PDLIM5: variants seen among roughly 807,000 people sequenced by gnomAD.
The protein encoded by PDLIM5 is PDZ and LIM domain 5.
A neutral mutation model predicts 64.2 loss-of-function variants in PDLIM5; 34 were observed. That is an observed-to-expected ratio of 0.53 (90% CI 0.40 to 0.71). The LOEUF (loss-of-function observed/expected upper bound fraction) is 0.71, where lower values mean the gene tolerates loss of function less well. Among genes scored for constraint, PDLIM5 ranks in the 30% least tolerant of loss-of-function variants. The pLI is 0.00. For missense variants in PDLIM5, 683 were observed against 733.6 expected, an observed-to-expected ratio of 0.93 and a Z score of 0.80; for synonymous variants, 253 against 269.1, an observed-to-expected ratio of 0.94 and a Z score of 0.59.
At chr4:94,552,991 C>A (rs1732945560) in intron 3 of PDLIM5, among the ~76,000 whole-genome samples, 1 of 152,066 alleles carries the variant, frequency 6.6e-6, no homozygotes, top group Non-Finnish European at 1.5e-5. Flanking sequence ...ACAAGAAAAA[C>A]CCCAGTCGTT....
chr4:94,646,406 C>T (rs1197866238), intron 9 of PDLIM5, among the ~76,000 whole-genome samples: 1 of 152,056 alleles, frequency 6.6e-6, no homozygotes, highest in Non-Finnish European at 1.5e-5. Flanking sequence ...GGGGAGAAGC[C>T]CTCTTGACAT....
In PDLIM5 at chr4:94,524,368, CAAAAAAAAAAA is replaced by C. The variant is rs34215993; in HGVS notation, c.248+509_248+519del. 9.4e-3 allele frequency among the ~76,000 whole-genome samples: 728 copies of C among 77,226 alleles called. 3 individuals carry two copies. The highest frequency in any genetic ancestry group is 0.016 in the Non-Finnish European group (604 of 37,772). The allele number at this position is 77,226 out of a possible 152,430, so 50.7% of individuals were successfully genotyped here. A position where few individuals can be genotyped will look rare whatever the true frequency, so the allele number is the denominator to read the frequency against. On this transcript the variant is annotated intron_variant, in intron 3 of 12. Transcript: ENST00000317968. ...TGGGTGACAGAACGAGACCCTGTCT[CAAAAAAAAAAA>C]AAAAAAAAAAAAAAATTGTGTATAC...
At position 94,471,028 on chromosome 4, in the gene PDLIM5, C is replaced by T. The variant is rs975928623; in HGVS notation, c.96+15644C>T. Among the ~76,000 whole-genome samples, 4 of 152,058 alleles carry T rather than the reference C, an allele frequency of 2.6e-5. No homozygotes were observed. The East Asian group carries it at 5.8e-4, about 22-fold the overall frequency. ...TCCCCTTTATAAACCCATCAGGTTT[C>T]GTGAGACTTTTTCACTATCATGAGA... On this transcript the variant is annotated intron_variant, in intron 2 of 12. Transcript: ENST00000317968.
chr4:94,596,343 C>A (rs1737066719), intron 7 of PDLIM5, among the ~76,000 whole-genome samples: 1 of 152,196 alleles, frequency 6.6e-6, no homozygotes, highest in East Asian at 1.9e-4. Flanking sequence ...AGAATATTCA[C>A]CACGTTCCTT....
intron 5 of PDLIM5, chr4:94,582,429 G>A: frequency 3.1e-6 from 1 of 318,524 alleles, no homozygotes; most frequent in Non-Finnish European, 5.7e-6. Flanking sequence ...ACATAAAATA[G>A]TTTTCAGTGT....
At chr4:94,586,383 T>C in intron 6 of PDLIM5, 25 bp from the exon 7 acceptor site, 3 of 1,301,802 alleles carry the variant, frequency 2.3e-6, no homozygotes, top group Non-Finnish European at 2.2e-6. Context: ...CAAACTAATA[T>C]TGGATATTGC....
chr4:94,573,541 A>G (rs1734988073), intron 4 of PDLIM5, 148 bp downstream of exon 4: 1 of 774,366 alleles, frequency 1.3e-6, no homozygotes, highest in Non-Finnish European at 2.4e-6. Context: ...TTCAGAGATG[A>G]GTAGGGAAAT....
At chr4:94,548,880 T>C (rs1045912254) in intron 3 of PDLIM5, among the ~76,000 whole-genome samples, 3 of 152,112 alleles carry the variant, frequency 2.0e-5, no homozygotes, top group African/African-American at 7.2e-5. Context: ...CTTATATGTA[T>C]AAATAAATAC....
At chr4:94,627,653 A>C (rs1011502230) in intron 8 of PDLIM5, among the ~76,000 whole-genome samples, 1 of 152,238 alleles carries the variant, frequency 6.6e-6, no homozygotes, top group Non-Finnish European at 1.5e-5. Flanking sequence ...ATTTCATGCC[A>C]CAATGGCAGA....
chr4:94,496,936 G>A (rs1458505192), intron 2 of PDLIM5, among the ~76,000 whole-genome samples: 1 of 152,182 alleles, frequency 6.6e-6, no homozygotes, highest in Non-Finnish European at 1.5e-5. Context: ...CTAAAATTAT[G>A]TTTTTCATTA....
intron 3 of PDLIM5, among the ~76,000 whole-genome samples, chr4:94,530,691 G>A (rs1055851090): frequency 2.0e-5 from 3 of 151,968 alleles, no homozygotes; most frequent in Non-Finnish European, 4.4e-5. Context: ...ATTGAGTTTT[G>A]AAAAATATTG....
At position 94,631,235 on chromosome 4, in the gene PDLIM5, C is replaced by A. The variant is rs565867003; in HGVS notation, c.1109-9041C>A. 1.4e-4 allele frequency among the ~76,000 whole-genome samples: 22 copies of A among 152,140 alleles called. No individual in the cohort carries two copies. In the South Asian group the frequency reaches 4.4e-3, roughly 30 times the overall value. The stretch of plus-strand genomic sequence containing the variant: ...TCTTCTAAAGCAATTTATGTAAATT[C>A]TCCTAAATGTTTCTCAAAACGTGAA... On this transcript the variant is annotated intron_variant, in intron 8 of 12. Transcript: ENST00000317968.
At chr4:94,555,741 A>T (rs997823046) in intron 3 of PDLIM5, among the ~76,000 whole-genome samples, 1 of 151,992 alleles carries the variant, frequency 6.6e-6, no homozygotes, top group African/African-American at 2.4e-5. Context: ...TTTACTAACT[A>T]CAAGGTATAG....
At chr4:94,520,760 G>A (rs1412076046) in intron 2 of PDLIM5, among the ~76,000 whole-genome samples, 1 of 152,104 alleles carries the variant, frequency 6.6e-6, no homozygotes, top group Non-Finnish European at 1.5e-5. Flanking sequence ...AGGAAGCCTG[G>A]GTAGAGAATA....
At chr4:94,496,397 T>C (rs929848814) in intron 2 of PDLIM5, among the ~76,000 whole-genome samples, 1 of 152,206 alleles carries the variant, frequency 6.6e-6, no homozygotes, top group African/African-American at 2.4e-5. Flanking sequence ...ATGCATTAGG[T>C]TGAATCATTT....
At position 94,585,577 on chromosome 4, in the gene PDLIM5, A is replaced by G. The variant is rs750565866; in HGVS notation, c.723A>G (p.Lys241=). 104 of 1,591,108 alleles carry G rather than the reference A, an allele frequency of 6.5e-5. 1 individual carries two copies. The South Asian group carries it at 1.2e-3, about 18-fold the overall frequency. ...DSKQQNGPPR[K]HIVERYTEFY... Reference sequence around the variant, plus strand: ...TCCTTAACCCTAGCCCACCAAGAAAACACATTGTGGAGCGCTATACAGAGT... The same window carrying G: ...TCCTTAACCCTAGCCCACCAAGAAAGCACATTGTGGAGCGCTATACAGAGT... Residue 241 remains lysine (K), a synonymous_variant, in exon 6 of 13, where the codon AAA becomes AAG. Coordinates refer to ENST00000317968, the MANE Select transcript of PDLIM5 (RefSeq NM_006457.5).
chr4:94,581,507 C>T (rs533321554), intron 5 of PDLIM5, among the ~76,000 whole-genome samples: 47 of 152,206 alleles, frequency 3.1e-4, no homozygotes, highest in African/African-American at 1.0e-3. Context: ...GCATTTGTGG[C>T]TGCAGAAGAG....
intron 7 of PDLIM5, among the ~76,000 whole-genome samples, chr4:94,601,418 T>TG (rs1016318616): frequency 5.9e-5 from 9 of 152,234 alleles, no homozygotes; most frequent in Non-Finnish European, 1.3e-4. Flanking sequence ...GATTTGGGGC[T>TG]GGGGGGACAC....
At chr4:94,549,151 T>C (rs1479355509) in intron 3 of PDLIM5, among the ~76,000 whole-genome samples, 1 of 152,248 alleles carries the variant, frequency 6.6e-6, no homozygotes, top group Admixed American at 6.5e-5. Context: ...AAGGACACTA[T>C]ACGCAGAGTT....
Sources: allele counts gnomAD v4.1 joint callset (sites outside exome capture counted in the v4.1 genomes callset), GRCh38; gene constraint gnomAD v4.1.1; transcripts MANE v1.5; gene names NCBI Gene and HGNC (gene_info 2026-07-23, HGNC 2026-07-21).